Variants in NPHP4 observed in about 807,000 individuals in gnomAD.
NPHP4 encodes the protein nephrocystin-4.
Under a neutral mutation model 155.8 loss-of-function variants are expected in NPHP4, and 151 were observed. The ratio of observed to expected loss-of-function variants is 0.97; its 90% confidence interval spans 0.85 to 1.11. NPHP4 has a LOEUF of 1.11. Ranked by LOEUF, NPHP4 falls within the 50% of genes least tolerant of loss-of-function variation. The probability of loss-of-function intolerance (pLI) is 0.00; values close to 1 mark genes in which losing one functional copy is unlikely to be tolerated. For missense variants in NPHP4, 1,956 were observed against 1,925.7 expected, an observed-to-expected ratio of 1.02 and a Z score of -0.29; for synonymous variants, 845 against 816.8, an observed-to-expected ratio of 1.03 and a Z score of -0.59.
chr1:5,922,947 G>C (rs1645818742), intron 11 of NPHP4, among the ~76,000 whole-genome samples: 1 of 152,226 alleles, frequency 6.6e-6, no homozygotes, highest in South Asian at 2.1e-4. Flanking sequence ...ACAGTGAGCT[G>C]TGATTATGGC....
At chr1:5,904,874 T>C in intron 15 of NPHP4, 70 bp from the exon 16 acceptor site, 2 of 1,471,742 alleles carry the variant, frequency 1.4e-6, no homozygotes, top group African/African-American at 2.8e-5. Flanking sequence ...TAATGTGTGT[T>C]TGCATAGGGG....
chr1:5,927,074 A>C (rs1646042789), intron 11 of NPHP4, among the ~76,000 whole-genome samples: 1 of 152,252 alleles, frequency 6.6e-6, no homozygotes, highest in Admixed American at 6.5e-5. Flanking sequence ...AGCACAGGGT[A>C]CTGCCTCAGC....
intron 13 of NPHP4, among the ~76,000 whole-genome samples, chr1:5,906,463 G>A (rs1483943707): frequency 6.6e-6 from 1 of 152,228 alleles, no homozygotes; most frequent in East Asian, 1.9e-4. Context: ...ATAATAAAAA[G>A]CTAGGCAAGC....
At chr1:5,949,250 T>C (rs1276571321) in intron 7 of NPHP4, among the ~76,000 whole-genome samples, 2 of 152,032 alleles carry the variant, frequency 1.3e-5, no homozygotes, top group Admixed American at 6.6e-5. Context: ...TTCAATCCTA[T>C]TCTCTGCTTT....
chr1:5,892,455 T>C lies in NPHP4; in HGVS notation c.2144-1427A>G, dbSNP rs1178288218. On this transcript the variant is annotated intron_variant, in intron 16 of 29. Transcript: ENST00000378156. This position sits in a 1 kb window ranked among gnomAD's most constrained non-coding sequence, Gnocchi z 4.5. ...TAAGGGTGGGGCCCTGCTTGTCCAG[T>C]TCTCCCAGCACTACCCTGTGCAGGG... 1.3e-5 allele frequency among the ~76,000 whole-genome samples: 2 copies of C among 152,084 alleles called. No homozygotes were observed. The highest frequency in any genetic ancestry group is 2.9e-5 in the Non-Finnish European group (2 of 68,006).
At chr1:5,888,688 C>A in intron 17 of NPHP4, 5 of 1,095,356 alleles carry the variant, frequency 4.6e-6, no homozygotes, top group Non-Finnish European at 6.2e-6. Context: ...GAAAACAAGG[C>A]ACCATTTTCC....
intron 2 of NPHP4, 134 bp downstream of exon 2, chr1:5,986,021 T>TATATGGGTAAA (rs1553204391): frequency 2.5e-5 from 22 of 863,510 alleles, no homozygotes; most frequent in Non-Finnish European, 3.9e-5. Flanking sequence ...ACAGAATGGC[T>TATATGGGTAAA]ATATGGGTAC....
At chr1:5,932,528 C>T (rs940174542) in intron 10 of NPHP4, among the ~76,000 whole-genome samples, 4 of 152,182 alleles carry the variant, frequency 2.6e-5, no homozygotes, top group Non-Finnish European at 5.9e-5. Context: ...TGGGTCACCG[C>T]TAACCATCCT....
At chr1:5,864,560 A>G (rs1232007128) in intron 27 of NPHP4, 43 bp from the exon 28 acceptor site, 1 of 1,444,258 alleles carries the variant, frequency 6.9e-7, no homozygotes, top group Admixed American at 2.7e-5. Context: ...GCCTCTCAGG[A>G]TGTGCAAGCA....
In NPHP4 at chr1:5,961,876, A is replaced by G; in HGVS notation, c.591T>C (p.Pro197=). 5 of 1,613,852 alleles carry G rather than the reference A, an allele frequency of 3.1e-6. No homozygotes were observed. Among genetic ancestry groups the G allele is most frequent in the Non-Finnish European group, 3.4e-6 (4 of 1,179,764 alleles). ...GGTTCTCAGGAAGAAGGTGGAACGCAGGCTCCAGGGCCGGGTGTGGCTTCA... is the reference window on the plus strand; with the variant it reads ...GGTTCTCAGGAAGAAGGTGGAACGCGGGCTCCAGGGCCGGGTGTGGCTTCA... ...YTLKPHPALE[P]AFHLLPENLL... is the part of the protein sequence containing the mutation. Residue 197 remains proline, a synonymous_variant, in exon 6 of 30, where the codon CCT becomes CCC. Coordinates refer to ENST00000378156, the MANE Select transcript of NPHP4 (RefSeq NM_015102.5).
chr1:5,885,144 T>C (rs1570234870), intron 18 of NPHP4, among the ~76,000 whole-genome samples: 1 of 135,232 alleles, frequency 7.4e-6, no homozygotes, highest in Non-Finnish European at 1.5e-5. Flanking sequence ...CTGCCCAAGC[T>C]CCCAGCCGAA....
At chr1:5,963,648 G>A (rs921118662) in intron 5 of NPHP4, among the ~76,000 whole-genome samples, 2 of 151,676 alleles carry the variant, frequency 1.3e-5, no homozygotes, top group Non-Finnish European at 2.9e-5. Flanking sequence ...TCAGGGGAAG[G>A]GCGGACGCCC....
At chr1:5,876,876 G>A (rs925944238) in intron 20 of NPHP4, 2 of 400,502 alleles carry the variant, frequency 5.0e-6, no homozygotes, top group African/African-American at 2.1e-5. Flanking sequence ...AATCTCCAGG[G>A]GTGACGCCCA....
chr1:5,912,431 A>T (rs11122157), intron 11 of NPHP4, among the ~76,000 whole-genome samples: 1 of 151,458 alleles, frequency 6.6e-6, no homozygotes, highest in South Asian at 2.1e-4. Flanking sequence ...CCAGCTACTC[A>T]GGAGGCTGAG....
At chr1:5,948,292 A>C (rs1470511612) in intron 7 of NPHP4, 41 bp from the exon 8 acceptor site, 66 of 1,462,746 alleles carry the variant, frequency 4.5e-5, no homozygotes, top group Non-Finnish European at 5.5e-5. Context: ...GCACAGACGG[A>C]AAGAGGGAGC....
chr1:5,946,970 T>A lies in NPHP4; in HGVS notation c.1119+134A>T. The A allele has an allele frequency of 3.1e-6, 3 of 954,778 alleles. No homozygotes were observed. In the South Asian group the frequency reaches 4.2e-5, roughly 13 times the overall value. 59.1% of individuals were successfully genotyped at this position (954,778 alleles called of 1,614,324 possible). On this transcript the variant is annotated intron_variant, in intron 9 of 29. Coordinates refer to ENST00000378156, the MANE Select transcript of NPHP4 (RefSeq NM_015102.5). ...CTTACAATCAGCTGATAAATGTCAGTAAAGTGATTTTTACTTATTATTTAT... is the reference window on the plus strand; with the variant it reads ...CTTACAATCAGCTGATAAATGTCAGAAAAGTGATTTTTACTTATTATTTAT...
At chr1:5,897,295 A>T (rs1340885486) in intron 16 of NPHP4, among the ~76,000 whole-genome samples, 1 of 152,202 alleles carries the variant, frequency 6.6e-6, no homozygotes, top group Admixed American at 6.5e-5. Flanking sequence ...ATTTGCATGA[A>T]GCCAAAAAAT....
At chr1:5,964,570 G>C (rs1650989687) in intron 5 of NPHP4, among the ~76,000 whole-genome samples, 2 of 152,110 alleles carry the variant, frequency 1.3e-5, no homozygotes, top group Non-Finnish European at 2.9e-5. Context: ...AATGTGCCTG[G>C]AGTCCCACCC....
intron 16 of NPHP4, among the ~76,000 whole-genome samples, chr1:5,895,676 A>G (rs1644360111): frequency 6.6e-6 from 1 of 152,242 alleles, no homozygotes. Flanking sequence ...GGTGTGGGGC[A>G]GTGTCTGTCA....
Sources: allele counts gnomAD v4.1 joint callset (sites outside exome capture counted in the v4.1 genomes callset), GRCh38; gene constraint gnomAD v4.1.1; non-coding constraint Gnocchi (gnomAD v3.1); transcripts MANE v1.5; gene names NCBI Gene and HGNC (gene_info 2026-07-23, HGNC 2026-07-21).